CTNND2: variants seen among roughly 807,000 people sequenced by gnomAD.
CTNND2 encodes the protein catenin delta-2.
Under a neutral mutation model 144.4 loss-of-function variants are expected in CTNND2, and 22 were observed. The ratio of observed to expected loss-of-function variants is 0.15; its 90% CI spans 0.11 to 0.22. The LOEUF is 0.22. CTNND2 is among the 10% of genes least tolerant of loss of function. The pLI, the probability that CTNND2 is intolerant of heterozygous loss-of-function variation, is 1.00. For missense variants in CTNND2, 1,353 were observed against 1,618.8 expected (o/e 0.84, Z 2.82); for synonymous variants, 751 against 695.6 (o/e 1.08, Z -1.25).
At chr5:11,148,775 A>G (rs188051094) in intron 12 of CTNND2, among the ~76,000 whole-genome samples, 2 of 152,294 alleles carry the variant, frequency 1.3e-5, no homozygotes. Flanking sequence ...GGGAGGAAAC[A>G]GGAGGCTATT....
At chr5:11,116,883 C>T (rs1418859381) in intron 13 of CTNND2, among the ~76,000 whole-genome samples, 4 of 151,896 alleles carry the variant, frequency 2.6e-5, no homozygotes, top group Admixed American at 6.6e-5. Context: ...TGTGGTAAAA[C>T]CCGATCTCTA....
intron 10 of CTNND2, among the ~76,000 whole-genome samples, chr5:11,200,740 G>A (rs1403114898): frequency 2.0e-5 from 3 of 151,974 alleles, no homozygotes; most frequent in African/African-American, 4.8e-5. Flanking sequence ...GTGCAGTGGC[G>A]CCATCTCGGC....
At chr5:11,123,571 A>T (rs925807120) in intron 12 of CTNND2, among the ~76,000 whole-genome samples, 2 of 152,134 alleles carry the variant, frequency 1.3e-5, no homozygotes, top group Non-Finnish European at 2.9e-5. Context: ...TCTAATCTAC[A>T]TGTGTGCTTC....
intron 3 of CTNND2, among the ~76,000 whole-genome samples, chr5:11,469,329 T>G (rs2149950540): frequency 6.6e-6 from 1 of 152,340 alleles, no homozygotes; most frequent in African/African-American, 2.4e-5. Flanking sequence ...CTGAAGAGTT[T>G]CTGGTGTGCA....
At chr5:11,675,714 T>C (rs1784139218) in intron 2 of CTNND2, among the ~76,000 whole-genome samples, 2 of 151,932 alleles carry the variant, frequency 1.3e-5, no homozygotes, top group Admixed American at 6.6e-5. Context: ...CATATATATA[T>C]AAACTATTAC....
At chr5:11,138,108 G>A (rs569402055) in intron 12 of CTNND2, among the ~76,000 whole-genome samples, 5 of 152,310 alleles carry the variant, frequency 3.3e-5, no homozygotes, top group African/African-American at 1.2e-4. Flanking sequence ...CTGACTGGTT[G>A]TCAGCTGAGG....
At chr5:11,336,413 T>C (rs1027354021) in intron 9 of CTNND2, among the ~76,000 whole-genome samples, 3 of 152,212 alleles carry the variant, frequency 2.0e-5, no homozygotes, top group Admixed American at 2.0e-4. Context: ...TCAAAAATTT[T>C]ATAGCTACTA....
intron 2 of CTNND2, among the ~76,000 whole-genome samples, chr5:11,670,040 T>G (rs1783800301): frequency 6.6e-6 from 1 of 152,222 alleles, no homozygotes; most frequent in Non-Finnish European, 1.5e-5. Flanking sequence ...GTTGTTCAGT[T>G]TCCATGTAGT....
At chr5:11,625,551 A>G (rs963391961) in intron 2 of CTNND2, among the ~76,000 whole-genome samples, 1 of 152,146 alleles carries the variant, frequency 6.6e-6, no homozygotes, top group Admixed American at 6.6e-5. Flanking sequence ...CTTTGCAATC[A>G]TGGATTAAAC....
At chr5:11,035,972 G>A (rs1432829526) in intron 16 of CTNND2, among the ~76,000 whole-genome samples, 2 of 152,132 alleles carry the variant, frequency 1.3e-5, no homozygotes, top group African/African-American at 4.8e-5. Context: ...TGTTACATGA[G>A]TAGGGTACAA....
chr5:11,720,244 C>G lies in CTNND2; in HGVS notation c.174+11892G>C, dbSNP rs913148247. Among the ~76,000 whole-genome samples the G allele has an allele frequency of 4.6e-5, 7 of 152,276 alleles. No individual in the cohort carries two copies. In the South Asian group the frequency reaches 1.0e-3, roughly 23 times the overall value. Reference sequence around the variant, plus strand: ...AAAAGTCTACCTTATGAACACATCCCAGAGGCAGATCTGCAGTGAAACTTG... The same window carrying G: ...AAAAGTCTACCTTATGAACACATCCGAGAGGCAGATCTGCAGTGAAACTTG... On this transcript the variant is annotated intron_variant, in intron 2 of 21. Transcript: ENST00000304623.
At chr5:11,193,550 G>A (rs1055021843) in intron 11 of CTNND2, among the ~76,000 whole-genome samples, 1 of 152,080 alleles carries the variant, frequency 6.6e-6, no homozygotes, top group Non-Finnish European at 1.5e-5. Flanking sequence ...TAAATCTTGG[G>A]AACATAGTAA....
chr5:11,280,050 C>T (rs1746962711), intron 9 of CTNND2, among the ~76,000 whole-genome samples: 1 of 152,126 alleles, frequency 6.6e-6, no homozygotes, highest in Non-Finnish European at 1.5e-5. Flanking sequence ...CATGCCTGTT[C>T]ACCTTACTTG....
At chr5:11,227,691 T>C (rs749557278) in intron 10 of CTNND2, among the ~76,000 whole-genome samples, 5 of 152,156 alleles carry the variant, frequency 3.3e-5, no homozygotes, top group Non-Finnish European at 5.9e-5. Flanking sequence ...AATAAAAAGT[T>C]ATGGGGGAGG....
At chr5:11,294,582 A>C (rs1274896009) in intron 9 of CTNND2, among the ~76,000 whole-genome samples, 1 of 152,230 alleles carries the variant, frequency 6.6e-6, no homozygotes, top group Non-Finnish European at 1.5e-5. Context: ...TGACAGTTTC[A>C]ATAAAATACT....
At chr5:11,378,486 T>C (rs1192830374) in intron 7 of CTNND2, among the ~76,000 whole-genome samples, 3 of 152,246 alleles carry the variant, frequency 2.0e-5, no homozygotes, top group Non-Finnish European at 4.4e-5. Flanking sequence ...GATCATATTT[T>C]AATTAGTAAA....
At chr5:11,206,205 C>T (rs1032887653) in intron 10 of CTNND2, among the ~76,000 whole-genome samples, 4 of 152,084 alleles carry the variant, frequency 2.6e-5, no homozygotes, top group Admixed American at 1.3e-4. Context: ...TTAGGATGTA[C>T]GGTATATATC....
In CTNND2 at chr5:11,388,893, T is replaced by G. The variant is rs144478027; in HGVS notation, c.613-3664A>C. ...TGTTAGCACTATAAAGCTGCAAATC[T>G]GATTTTAAAGTTAGAATTCAAGTAA... On this transcript the variant is annotated intron_variant, in intron 6 of 21. Transcript: ENST00000304623. Among the ~76,000 whole-genome samples, 1,047 of 152,368 alleles carry G rather than the reference T, an allele frequency of 6.9e-3. 13 individuals carry two copies. Among genetic ancestry groups the G allele is most frequent in the Non-Finnish European group, 7.0e-3 (476 of 68,024 alleles).
At chr5:11,122,201 G>T (rs1754212254) in intron 12 of CTNND2, among the ~76,000 whole-genome samples, 1 of 150,662 alleles carries the variant, frequency 6.6e-6, no homozygotes, top group Non-Finnish European at 1.5e-5. Context: ...ACTGTACCTT[G>T]TGTTACAAGC....
Sources: gnomAD v4.1 joint callset for allele counts (sites outside exome capture counted in the v4.1 genomes callset) on GRCh38, gnomAD v4.1.1 for gene constraint, MANE v1.5 for transcripts, NCBI Gene and HGNC (gene_info 2026-07-23, HGNC 2026-07-21) for gene names.